The following RHOBTB1 variants were observed in gnomAD, a reference collection of about 807,000 sequenced individuals.
RHOBTB1 encodes the protein Rho related BTB domain containing 1.
In RHOBTB1, 40 loss-of-function variants were observed where a neutral mutation model predicts 71.6. The ratio of observed to expected loss-of-function variants is 0.56; its 90% CI spans 0.43 to 0.73. RHOBTB1 has a LOEUF of 0.73. Among genes scored for constraint, RHOBTB1 ranks in the 30% least tolerant of loss-of-function variants. The probability of loss-of-function intolerance (pLI) is 0.00; values close to 1 mark genes in which losing one functional copy is unlikely to be tolerated. For missense variants in RHOBTB1, 797 were observed against 894.0 expected (o/e 0.89, Z 1.38); for synonymous variants, 319 against 334.9 (o/e 0.95, Z 0.52).
At chr10:60,953,813 T>C (rs2085493318) in intron 2 of RHOBTB1, among the ~76,000 whole-genome samples, 1 of 152,090 alleles carries the variant, frequency 6.6e-6, no homozygotes, top group African/African-American at 2.4e-5. Flanking sequence ...AGTTTATAAA[T>C]AGAAACACAA....
Position 60,949,835 on chromosome 10 carries a change from T to C in RHOBTB1, c.-61-7981A>G, listed in dbSNP as rs538299099. On this transcript the variant is annotated intron_variant, in intron 2 of 11. Coordinates refer to the RHOBTB1 transcript ENST00000357917. Reference sequence around the variant, plus strand: ...CATTGTTAGTTCTGTGAAGACAAAGTATCTTTTCCATTGCAGTTTCTATTT... The same window carrying C: ...CATTGTTAGTTCTGTGAAGACAAAGCATCTTTTCCATTGCAGTTTCTATTT... 1.1e-4 allele frequency among the ~76,000 whole-genome samples: 17 copies of C among 152,322 alleles called. No homozygotes were observed. The South Asian group carries it at 3.3e-3, about 30-fold the overall frequency.
intron 1 of RHOBTB1, among the ~76,000 whole-genome samples, chr10:60,999,076 C>T (rs1391166228): frequency 1.3e-5 from 2 of 152,178 alleles, no homozygotes; most frequent in African/African-American, 2.4e-5. Context: ...GAAATGCAAG[C>T]TCTTTTATTT....
intron 2 of RHOBTB1, among the ~76,000 whole-genome samples, chr10:60,960,617 C>A (rs2085746232): frequency 6.6e-6 from 1 of 152,136 alleles, no homozygotes; most frequent in African/African-American, 2.4e-5. Context: ...AAGTTATATT[C>A]CTCTTGGATC....
intron 2 of RHOBTB1, among the ~76,000 whole-genome samples, chr10:60,941,315 C>T (rs1051624553): frequency 9.2e-5 from 14 of 152,094 alleles, no homozygotes; most frequent in African/African-American, 2.9e-4. Flanking sequence ...TAGTTTGGGA[C>T]TCAAGACAGT....
chr10:60,929,602 T>C (rs1327376992), intron 2 of RHOBTB1, among the ~76,000 whole-genome samples: 2 of 152,186 alleles, frequency 1.3e-5, no homozygotes, highest in Non-Finnish European at 2.9e-5. Context: ...ATAGTTATTT[T>C]GAATTTAGTT....
intron 2 of RHOBTB1, among the ~76,000 whole-genome samples, chr10:60,980,578 C>A (rs1342984790): frequency 6.6e-6 from 1 of 151,712 alleles, no homozygotes; most frequent in Non-Finnish European, 1.5e-5. Flanking sequence ...AGCATACCAC[C>A]AAGAAAAATG....
At chr10:60,895,684 G>A (rs370808677) in intron 4 of RHOBTB1, among the ~76,000 whole-genome samples, 23 of 152,216 alleles carry the variant, frequency 1.5e-4, no homozygotes, top group African/African-American at 5.3e-4. Context: ...GATTACAGGC[G>A]CAAGCCACCG....
At chr10:60,893,244 C>T (rs1011733001) in intron 4 of RHOBTB1, among the ~76,000 whole-genome samples, 3 of 152,216 alleles carry the variant, frequency 2.0e-5, no homozygotes, top group South Asian at 2.1e-4. Context: ...TTGACGTTTC[C>T]GATGAAGTTA....
chr10:60,904,139 G>T (rs1291254158), intron 4 of RHOBTB1, among the ~76,000 whole-genome samples: 2 of 151,866 alleles, frequency 1.3e-5, no homozygotes, highest in Non-Finnish European at 2.9e-5. Flanking sequence ...TAGAGATGGG[G>T]CTACACCATG....
chr10:60,927,575 C>A (rs2083960930), intron 2 of RHOBTB1, among the ~76,000 whole-genome samples: 1 of 152,138 alleles, frequency 6.6e-6, no homozygotes, highest in African/African-American at 2.4e-5. Context: ...TTACAGCCAA[C>A]TTATTTTTGA....
downstream of RHOBTB1, among the ~76,000 whole-genome samples, chr10:60,864,747 C>T (rs1410812888): frequency 1.3e-5 from 2 of 152,000 alleles, no homozygotes; most frequent in African/African-American, 4.8e-5. Flanking sequence ...GGCTGGAGTG[C>T]TGTAGTGGGA....
intron 2 of RHOBTB1, among the ~76,000 whole-genome samples, chr10:60,984,997 A>T (rs2086614989): frequency 6.6e-6 from 1 of 152,208 alleles, no homozygotes; most frequent in African/African-American, 2.4e-5. Flanking sequence ...AAGTTACTAT[A>T]TGTAGTTAAA....
At position 60,930,249 on chromosome 10, in the gene RHOBTB1, A is replaced by C. The variant is rs2084161411; in HGVS notation, c.-11+11555T>G. Reference sequence around the variant, plus strand: ...CTTGCTAAGTGATTTTAGGCAAATTAATCTGTCGGAGCCTCTATATTCTTA... The same window carrying C: ...CTTGCTAAGTGATTTTAGGCAAATTCATCTGTCGGAGCCTCTATATTCTTA... On this transcript the variant is annotated intron_variant, in intron 2 of 10. Coordinates refer to ENST00000337910, the MANE Select transcript of RHOBTB1 (RefSeq NM_014836.5). Among the ~76,000 whole-genome samples, 4 of 152,208 alleles carry C rather than the reference A, an allele frequency of 2.6e-5. No homozygotes were observed. The South Asian group carries it at 8.3e-4, about 32-fold the overall frequency.
intron 4 of RHOBTB1, among the ~76,000 whole-genome samples, chr10:60,896,597 T>C (rs12242633): frequency 0.31 from 46,743 of 152,142 alleles, 7,482 homozygotes; most frequent in East Asian, 0.58. Context: ...AAATATTTTA[T>C]GTTTCACTGG....
intron 4 of RHOBTB1, among the ~76,000 whole-genome samples, chr10:60,899,625 T>C (rs1227558516): frequency 8.5e-5 from 13 of 152,212 alleles, no homozygotes. Flanking sequence ...AAGTCACTTA[T>C]CCAGTATTAT....
chr10:60,969,662 T>C (rs2086086777), intron 2 of RHOBTB1, among the ~76,000 whole-genome samples: 1 of 152,114 alleles, frequency 6.6e-6, no homozygotes, highest in South Asian at 2.1e-4. Flanking sequence ...TCCTATTGTC[T>C]GTGTGTTTTA....
At position 60,875,057 on chromosome 10, in the gene RHOBTB1, G is replaced by A. The variant is rs373993140; in HGVS notation, c.1727-15C>T. The A allele has an allele frequency of 6.2e-7, 1 of 1,608,660 alleles. No homozygotes were observed. The highest frequency in any genetic ancestry group is 8.5e-7 in the Non-Finnish European group (1 of 1,175,222). The stretch of plus-strand genomic sequence containing the variant: ...GGCATGCTGTTCTGGGGAAGAGAGA[G>A]GGGGCAGGAGAACATTAAACCACGC... On this transcript the variant is annotated splice_polypyrimidine_tract_variant and intron_variant, in intron 8 of 10. Coordinates refer to ENST00000337910, the MANE Select transcript of RHOBTB1 (RefSeq NM_014836.5).
chr10:60,926,409 C>G (rs1346850626), intron 2 of RHOBTB1, among the ~76,000 whole-genome samples: 1 of 152,132 alleles, frequency 6.6e-6, no homozygotes, highest in African/African-American at 2.4e-5. Flanking sequence ...ATACCACAAG[C>G]AGACAAAGAC....
chr10:61,001,162 C>G lies in RHOBTB1; in HGVS notation c.-163+237G>C, dbSNP rs2087253725. ...AAAGTATTCTGGAAGCAAGCACCCT[C>G]TGGGGCCCTGTGCTTTGTCAGAGCA... is the stretch of plus-strand genomic sequence containing the variant. On this transcript the variant is annotated intron_variant, in intron 1 of 11. Coordinates refer to the RHOBTB1 transcript ENST00000357917. 2.0e-5 allele frequency among the ~76,000 whole-genome samples: 3 copies of G among 152,114 alleles called. No individual in the cohort carries two copies. In the South Asian group the frequency reaches 6.2e-4, roughly 31 times the overall value.
Sources: allele counts gnomAD v4.1 joint callset (sites outside exome capture counted in the v4.1 genomes callset), GRCh38; gene constraint gnomAD v4.1.1; transcripts MANE v1.5; gene names NCBI Gene and HGNC (gene_info 2026-07-23, HGNC 2026-07-21).